Variants in PLEC observed in about 807,000 individuals in gnomAD.
The protein encoded by PLEC is hemidesmosomal protein 1.
A neutral mutation model predicts 392.8 loss-of-function variants in PLEC; 216 were observed. That is an observed-to-expected ratio of 0.55 (90% CI 0.49 to 0.62). PLEC has a LOEUF of 0.62. Among genes scored for constraint, PLEC ranks in the 20% least tolerant of loss-of-function variants. PLEC has a pLI of 0.00. For synonymous variants in PLEC, 3,621 were observed against 2,980.6 expected (o/e 1.21, Z -7.00); for missense variants, 6,863 against 6,563.4 (o/e 1.05, Z -1.58).
At position 143,935,318 on chromosome 8, in the gene PLEC, G is replaced by A. The variant is rs1828733607; in HGVS notation, c.603-5C>T. The A allele has an allele frequency of 1.9e-6, 3 of 1,597,428 alleles. No individual in the cohort carries two copies. Among genetic ancestry groups the A allele is most frequent in the Non-Finnish European group, 2.5e-6 (3 of 1,176,652 alleles). ...TTCATGTCGATGAGCAGGGGCCTGGGACAAGCAGGTGGCTGGTCAGGTGGG... is the reference window on the plus strand; with the variant it reads ...TTCATGTCGATGAGCAGGGGCCTGGAACAAGCAGGTGGCTGGTCAGGTGGG... On this transcript the variant is annotated splice_polypyrimidine_tract_variant and splice_region_variant and intron_variant, in intron 6 of 31. Transcript: ENST00000345136.
chr8:143,937,790 C>G (rs1251063485), intron 3 of PLEC: 1 of 519,024 alleles, frequency 1.9e-6, no homozygotes. Context: ...CTCGGCTGCC[C>G]GGCCAGAGCA....
intron 21 of PLEC, 21 bp downstream of exon 21, chr8:143,930,113 AGCCCCCACCT>A: frequency 6.3e-7 from 1 of 1,597,156 alleles, no homozygotes. Context: ...CCCGCCTTCC[AGCCCCCACCT>A]GCTGAGCCCC....
rs782592113 is a variant in PLEC, at chr8:143,925,564, G to A, written c.4365C>T (p.Arg1455=). 58 of 1,588,116 alleles carry A rather than the reference G, an allele frequency of 3.7e-5. No homozygotes were observed. The highest frequency in any genetic ancestry group is 3.9e-5 in the Non-Finnish European group (46 of 1,174,816). The change falls in exon 31 of 32, where the codon CGC becomes CGT. Residue 1455 remains arginine (R), a synonymous_variant. Transcript: ENST00000345136. ...RSRLRIEEEI[R]VVRLQLEATE... ...TGGCCTCCAACTGCAGGCGCACCAC[G>A]CGGATCTCCTCCTCGATGCGCAGCC...
At position 143,923,413 on chromosome 8, in the gene PLEC, TTTC is replaced by T; in HGVS notation, c.6513_6515del (p.Lys2172del). Reference sequence around the variant, plus strand: ...TCTGCCGCAGCGTCTGCTCGGCGAATTTCTTATGCTTCTCCATCTCCGCGTCAG... The same window carrying T: ...TCTGCCGCAGCGTCTGCTCGGCGAATTTATGCTTCTCCATCTCCGCGTCAG... On this transcript the variant is annotated inframe_deletion, in exon 31 of 32. Transcript: ENST00000345136. The T allele has an allele frequency of 2.5e-6, 4 of 1,610,694 alleles. No homozygotes were observed. The highest frequency in any genetic ancestry group is 3.4e-6 in the Non-Finnish European group (4 of 1,179,806).
At chr8:143,949,263 G>A (rs1831849443) in intron 1 of PLEC, among the ~76,000 whole-genome samples, 1 of 152,254 alleles carries the variant, frequency 6.6e-6, no homozygotes, top group Non-Finnish European at 1.5e-5. Flanking sequence ...CAGCCTGAGA[G>A]AGCAAGCTGC....
intron 7 of PLEC, 24 bp from the exon 8 acceptor site, chr8:143,935,141 G>C: frequency 6.2e-7 from 1 of 1,612,196 alleles, no homozygotes; most frequent in Non-Finnish European, 8.5e-7. Context: ...CAGCTCAGCG[G>C]TGGCTCTGGG....
chr8:143,968,390 C>T (rs938920885), intron 1 of PLEC, among the ~76,000 whole-genome samples: 8 of 150,694 alleles, frequency 5.3e-5, no homozygotes, highest in Non-Finnish European at 7.4e-5. Flanking sequence ...GCCAATATGG[C>T]GAAGCCCCAT....
In PLEC at chr8:143,969,231, G is replaced by C. The variant is rs569449368; in HGVS notation, c.70+4172C>G. ...ATGTGAGCAGCCCTGACAGCGTCCC[G>C]GCAAGTCGAAGAGGCCAGACCCAGG... On this transcript the variant is annotated intron_variant, in intron 1 of 31. Coordinates refer to the PLEC transcript ENST00000356346. The surrounding 1 kb of genome is among the most constrained non-coding windows in gnomAD (Gnocchi z 5.1). Among the ~76,000 whole-genome samples the C allele has an allele frequency of 2.0e-5, 3 of 152,134 alleles. No homozygotes were observed. The South Asian group carries it at 6.2e-4, about 32-fold the overall frequency.
intron 1 of PLEC, among the ~76,000 whole-genome samples, chr8:143,961,063 T>A (rs1832849904): frequency 6.6e-6 from 1 of 152,236 alleles, no homozygotes. Context: ...GGACACACAC[T>A]GCGCGTTTGT....
chr8:143,935,329 G>A lies in PLEC; in HGVS notation c.603-16C>T. 1 of 1,581,474 alleles carries A rather than the reference G, an allele frequency of 6.3e-7. No individual in the cohort carries two copies. The highest frequency in any genetic ancestry group is 8.6e-7 in the Non-Finnish European group (1 of 1,164,574). On this transcript the variant is annotated splice_polypyrimidine_tract_variant and intron_variant, in intron 6 of 31. Transcript: ENST00000345136. ...GAGCAGGGGCCTGGGACAAGCAGGT[G>A]GCTGGTCAGGTGGGTGGGACAAGAC...
chr8:143,975,434 C>T (rs1833628788), upstream of PLEC: 6 of 1,442,214 alleles, frequency 4.2e-6, no homozygotes, highest in East Asian at 2.3e-5. This position sits in a 1 kb window ranked among gnomAD's most constrained non-coding sequence, Gnocchi z 9.9. Flanking sequence ...CTCTGCACGC[C>T]GACCCACCCA....
chr8:143,937,176 G>T lies in PLEC; in HGVS notation c.331C>A (p.Arg111=). ...CCGGGCAGCCTTACCTGGCGGTGCC[G>T]GAGGTAGTCCAGGGCAATCTGGACA... ...QNVQIALDYL[R]HRQVKLVNIR... is the part of the protein sequence containing the mutation. Residue 111 remains arginine (R), a synonymous_variant, in exon 4 of 32, where the codon CGG becomes AGG. Coordinates refer to ENST00000345136, the MANE Select transcript of PLEC (RefSeq NM_201384.3). 2 of 1,612,342 alleles carry T rather than the reference G, an allele frequency of 1.2e-6. No homozygotes were observed. Among genetic ancestry groups the T allele is most frequent in the Non-Finnish European group, 1.7e-6 (2 of 1,179,442 alleles).
At position 143,969,519 on chromosome 8, in the gene PLEC, G is replaced by A. The variant is rs374747337; in HGVS notation, c.70+3884C>T. ...TGTGACAGCTCATAGAGGCTGGGCC[G>A]TCCTGCCACACCATGGGAGCCTGGA... On this transcript the variant is annotated intron_variant, in intron 1 of 31. Coordinates refer to the PLEC transcript ENST00000356346. The surrounding 1 kb of genome is among the most constrained non-coding windows in gnomAD (Gnocchi z 5.1). Among the ~76,000 whole-genome samples the A allele has an allele frequency of 5.0e-3, 757 of 152,332 alleles. 9 individuals are homozygous for A. Among genetic ancestry groups the A allele is most frequent in the South Asian group, 0.044 (213 of 4,826 alleles).
At chr8:143,973,925 A>G (rs1289488087), upstream of PLEC, among the ~76,000 whole-genome samples, 1 of 152,220 alleles carries the variant, frequency 6.6e-6, no homozygotes, top group Non-Finnish European at 1.5e-5. The surrounding 1 kb of genome is among the most constrained non-coding windows in gnomAD (Gnocchi z 5.6). Context: ...GTCGGTATAA[A>G]GAACCCTTAA....
chr8:143,945,843 C>T (rs1831383443), intron 1 of PLEC, among the ~76,000 whole-genome samples: 1 of 152,264 alleles, frequency 6.6e-6, no homozygotes, highest in South Asian at 2.1e-4. Flanking sequence ...CAGCCCCACA[C>T]CTCAAAAACG....
chr8:143,953,471 C>CGCT (rs1832404693), upstream of PLEC, among the ~76,000 whole-genome samples: 1 of 151,868 alleles, frequency 6.6e-6, no homozygotes, highest in African/African-American at 2.4e-5. Context: ...CCGCCGCCGC[C>CGCT]GCCGCTGCAG....
chr8:143,939,465 G>GC lies in PLEC; in HGVS notation c.-5dup. The GC allele has an allele frequency of 6.2e-7, 1 of 1,610,156 alleles. No individual in the cohort carries two copies. Among genetic ancestry groups the GC allele is most frequent in the Non-Finnish European group, 8.5e-7 (1 of 1,179,080 alleles). On this transcript the variant is annotated 5_prime_UTR_variant, in exon 1 of 32. Coordinates refer to ENST00000345136, the MANE Select transcript of PLEC (RefSeq NM_201384.3). ...CGCGGAGCTGGTGCTGAGACATGCTGCCCCCACACCTTCGTCGCCCGGACC... is the reference window on the plus strand; with the variant it reads ...CGCGGAGCTGGTGCTGAGACATGCTGCCCCCCACACCTTCGTCGCCCGGACC...
At position 143,920,616 on chromosome 8, in the gene PLEC, C is replaced by G. The variant is rs782388493; in HGVS notation, c.9205G>C (p.Asp3069His). The change falls in exon 32 of 32, where the codon GAC becomes CAC. Residue 3069 changes from aspartate (D) to histidine (H), a missense_variant. By Grantham distance (81) the Asp-to-His change is moderately conservative. Transcript: ENST00000345136. The part of the protein sequence containing the change: ...EAQAGTGHII[D>H]PATSARLTVD... ...GTCAGCCGGGCGCTGGTGGCGGGGT[C>G]GATGATGTGCCCGGTGCCGGCCTGG... The G allele has an allele frequency of 6.2e-7, 1 of 1,607,936 alleles. No individual in the cohort carries two copies. The highest frequency in any genetic ancestry group is 8.5e-7 in the Non-Finnish European group (1 of 1,179,886).
chr8:143,938,066 G>T (rs1187921511), intron 3 of PLEC, 85 bp downstream of exon 3: 2 of 933,750 alleles, frequency 2.1e-6, no homozygotes, highest in Non-Finnish European at 3.4e-6. Flanking sequence ...TAGAGTGGGC[G>T]GCCGGAGAGG....
Sources: gnomAD v4.1 joint callset for allele counts (sites outside exome capture counted in the v4.1 genomes callset) on GRCh38, gnomAD v4.1.1 for gene constraint, Gnocchi (gnomAD v3.1) non-coding constraint, MANE v1.5 for transcripts, NCBI Gene and HGNC (gene_info 2026-07-23, HGNC 2026-07-21) for gene names.